Variants in COL4A2 observed in about 807,000 individuals in gnomAD.
COL4A2 encodes the protein collagen type IV alpha 2 chain.
COL4A2 carries 99 observed loss-of-function variants against 200.2 expected under a neutral mutation model. That is an observed-to-expected ratio of 0.49 (90% CI 0.42 to 0.58). COL4A2 has a LOEUF of 0.58. Ranked by LOEUF, COL4A2 falls within the 20% of genes least tolerant of loss-of-function variation. The pLI is 0.00. For synonymous variants in COL4A2, 897 were observed against 900.6 expected (o/e 1.00, Z 0.07); for missense variants, 1,950 against 2,314.1 (o/e 0.84, Z 3.23).
chr13:110,474,054 GA>G (rs1434702712), intron 29 of COL4A2, among the ~76,000 whole-genome samples: 5 of 152,182 alleles, frequency 3.3e-5, no homozygotes, highest in Non-Finnish European at 7.3e-5. Context: ...TTGAGCCCAG[GA>G]ATTGTAGATT....
chr13:110,450,393 A>G lies in COL4A2; in HGVS notation c.1278A>G (p.Gly426=), dbSNP rs772354234. ...GIPALYGGPP[G]PDGKRGPPGP... The stretch of plus-strand genomic sequence containing the variant: ...CTGCGCTCTACGGGGGCCCACCTGG[A>G]CCTGATGGAAAGCGAGGGCCTCCAG... Residue 426 remains glycine, a synonymous_variant, in exon 20 of 48, where the codon GGA becomes GGG. Coordinates refer to ENST00000360467, the MANE Select transcript of COL4A2 (RefSeq NM_001846.4). The G allele has an allele frequency of 1.2e-6, 2 of 1,614,020 alleles. No individual in the cohort carries two copies. Among genetic ancestry groups the G allele is most frequent in the Non-Finnish European group, 1.7e-6 (2 of 1,180,000 alleles).
At chr13:110,450,571 C>A in intron 20 of COL4A2, 117 bp downstream of exon 20, 1 of 1,238,692 alleles carries the variant, frequency 8.1e-7, no homozygotes, top group Non-Finnish European at 1.1e-6. Flanking sequence ...TCCAGTAGGC[C>A]AGTGATTAGG....
rs1460518156 is a variant in COL4A2 at position 110,424,940 on chromosome 13, G to A, written c.316-13G>A. On this transcript the variant is annotated splice_polypyrimidine_tract_variant and intron_variant, in intron 5 of 47. Coordinates refer to ENST00000360467, the MANE Select transcript of COL4A2 (RefSeq NM_001846.4). ...ATCTCAGCCTTGGTTAATTGCATTT[G>A]CTTTCTTCATAGGGAGCAAGAGGCG... The A allele has an allele frequency of 6.2e-7, 1 of 1,614,094 alleles. No homozygotes were observed. The highest frequency in any genetic ancestry group is 8.5e-7 in the Non-Finnish European group (1 of 1,180,044).
At chr13:110,441,297 G>A (rs978784141) in intron 16 of COL4A2, among the ~76,000 whole-genome samples, 1 of 152,178 alleles carries the variant, frequency 6.6e-6, no homozygotes, top group Non-Finnish European at 1.5e-5. Context: ...GCTTGTTCCA[G>A]GACCACAGAT....
chr13:110,456,347 C>A, intron 20 of COL4A2: 1 of 264,086 alleles, frequency 3.8e-6, no homozygotes, highest in Non-Finnish European at 7.4e-6. Flanking sequence ...TGGAGGGATG[C>A]ACACGTGTGC....
At chr13:110,497,181 C>T (rs377034346) in intron 40 of COL4A2, among the ~76,000 whole-genome samples, 12 of 151,642 alleles carry the variant, frequency 7.9e-5, no homozygotes, top group African/African-American at 2.9e-4. Flanking sequence ...GCAGAAGCTC[C>T]ACCCAGGAGT....
intron 11 of COL4A2, among the ~76,000 whole-genome samples, chr13:110,433,527 G>A (rs1203157618): frequency 6.6e-6 from 1 of 152,212 alleles, no homozygotes; most frequent in Non-Finnish European, 1.5e-5. Context: ...CCCACCAGGT[G>A]GGGAAGAAGC....
rs191968828 is a variant in COL4A2, at chr13:110,417,171, A to G, written c.181-7563A>G. ...CATTTTTGTATTTTTAGTAGAGGCA[A>G]GGTTTCACCATGTTGGCCAGTGATC... On this transcript the variant is annotated intron_variant, in intron 4 of 47. Coordinates refer to ENST00000360467, the MANE Select transcript of COL4A2 (RefSeq NM_001846.4). 4.5e-3 allele frequency among the ~76,000 whole-genome samples: 678 copies of G among 152,204 alleles called. 4 individuals are homozygous for G. The highest frequency in any genetic ancestry group is 7.0e-3 in the Non-Finnish European group (479 of 67,994).
intron 4 of COL4A2, among the ~76,000 whole-genome samples, chr13:110,371,041 A>G (rs997746914): frequency 6.6e-6 from 1 of 152,240 alleles, no homozygotes; most frequent in Non-Finnish European, 1.5e-5. Context: ...AAAGTTTAAC[A>G]AAAAGGGTGC....
chr13:110,365,358 C>T (rs1055873460), intron 4 of COL4A2, among the ~76,000 whole-genome samples: 1 of 152,174 alleles, frequency 6.6e-6, no homozygotes, highest in Non-Finnish European at 1.5e-5. Flanking sequence ...CCAGGATGGT[C>T]TCGAACTCCT....
intron 27 of COL4A2, among the ~76,000 whole-genome samples, chr13:110,467,920 A>C (rs1397533089): frequency 6.6e-6 from 1 of 152,208 alleles, no homozygotes; most frequent in Non-Finnish European, 1.5e-5. Context: ...GAAGCATGTC[A>C]CTTGGGTAAC....
At chr13:110,473,257 A>C in intron 29 of COL4A2, 107 bp downstream of exon 29, 1 of 1,075,194 alleles carries the variant, frequency 9.3e-7, no homozygotes, top group Non-Finnish European at 1.3e-6. Flanking sequence ...GCGGTGCCCT[A>C]TAGTGCTAGC....
chr13:110,461,962 C>T, intron 22 of COL4A2, 152 bp from the exon 23 acceptor site: 1 of 1,124,148 alleles, frequency 8.9e-7, no homozygotes, highest in Admixed American at 2.2e-5. Flanking sequence ...GGGGGCGTAT[C>T]CAGCATCGCA....
At chr13:110,413,537 G>A (rs1046511921) in intron 4 of COL4A2, among the ~76,000 whole-genome samples, 3 of 152,248 alleles carry the variant, frequency 2.0e-5, no homozygotes, top group South Asian at 2.1e-4. Context: ...CGAGGGCTGC[G>A]TGTGCCATGG....
chr13:110,484,200 C>G (rs568459686), intron 32 of COL4A2, among the ~76,000 whole-genome samples: 27 of 152,282 alleles, frequency 1.8e-4, no homozygotes, highest in Non-Finnish European at 5.9e-5. Context: ...GTCTGTCCCT[C>G]CACTGGTGGG....
intron 34 of COL4A2, among the ~76,000 whole-genome samples, chr13:110,486,800 T>C (rs1164142329): frequency 6.6e-6 from 1 of 152,004 alleles, no homozygotes; most frequent in Non-Finnish European, 1.5e-5. Flanking sequence ...CACAAGGTGC[T>C]CAGTAGGGGA....
intron 4 of COL4A2, among the ~76,000 whole-genome samples, chr13:110,402,008 G>A (rs1271472063): frequency 6.6e-6 from 1 of 152,160 alleles, no homozygotes; most frequent in Admixed American, 6.5e-5. Flanking sequence ...TTGGGGATTA[G>A]ATTTCAGCTT....
rs757680081 is a variant in COL4A2 at position 110,439,816 on chromosome 13, G to C, written c.940G>C (p.Gly314Arg). 9.3e-6 allele frequency: 15 copies of C among 1,613,808 alleles called. No homozygotes were observed. The highest frequency in any genetic ancestry group is 1.6e-4 in the Middle Eastern group (1 of 6,084). Residue 314 changes from glycine (G) to arginine (R), a missense_variant, in exon 16 of 48, where the codon GGA becomes CGA. Physicochemically the swap from Gly to Arg is moderately radical, Grantham distance 125. Transcript: ENST00000360467. ...RGYPGLSGEK[G>R]SPGQKGSRGL... ...TTACCCTGGCTTGAGTGGTGAAAAAGGATCACCAGGACAGAAGGTAAGTTG... is the reference window on the plus strand; with the variant it reads ...TTACCCTGGCTTGAGTGGTGAAAAACGATCACCAGGACAGAAGGTAAGTTG...
chr13:110,435,086 A>G (rs1880822664), intron 12 of COL4A2, among the ~76,000 whole-genome samples: 1 of 152,190 alleles, frequency 6.6e-6, no homozygotes, highest in Non-Finnish European at 1.5e-5. Context: ...GAACATTTCT[A>G]TTTTGTTTTC....
Sources: allele counts gnomAD v4.1 joint callset (sites outside exome capture counted in the v4.1 genomes callset), GRCh38; gene constraint gnomAD v4.1.1; transcripts MANE v1.5; gene names NCBI Gene and HGNC (gene_info 2026-07-23, HGNC 2026-07-21).